Variants in RGS12 observed in about 807,000 individuals in gnomAD.
RGS12 encodes the protein regulator of G-protein signaling 12.
Under a neutral mutation model 120.1 loss-of-function variants are expected in RGS12, and 66 were observed. That is an observed-to-expected ratio of 0.55 (90% CI 0.45 to 0.67). The LOEUF (loss-of-function observed/expected upper bound fraction) is 0.67, where lower values mean the gene tolerates loss of function less well. RGS12 is among the 30% of genes least tolerant of loss of function. The pLI, the probability that RGS12 is intolerant of heterozygous loss-of-function variation, is 0.00. For synonymous variants in RGS12, 827 were observed against 804.7 expected, an observed-to-expected ratio of 1.03 and a Z score of -0.47; for missense variants, 1,859 against 1,957.7, an observed-to-expected ratio of 0.95 and a Z score of 0.95.
At chr4:3,434,335 G>A (rs4690014) in intron 17 of RGS12, among the ~76,000 whole-genome samples, 49,338 of 152,024 alleles carry the variant, frequency 0.32, 9,047 homozygotes, top group East Asian at 0.45. Context: ...CCTTGATACC[G>A]GGGGATTATC....
chr4:3,335,528 C>T (rs890244805), intron 2 of RGS12, among the ~76,000 whole-genome samples: 7 of 152,272 alleles, frequency 4.6e-5, no homozygotes, highest in Non-Finnish European at 7.4e-5. Context: ...TCCCCAGGGG[C>T]GCTCCCCGGA....
intron 16 of RGS12, among the ~76,000 whole-genome samples, chr4:3,429,121 G>A (rs981090036): frequency 1.3e-5 from 2 of 152,240 alleles, no homozygotes; most frequent in African/African-American, 4.8e-5. Context: ...GTGAGGGGAG[G>A]TGGAGCACAC....
chr4:3,399,229 GA>G, intron 4 of RGS12, among the ~76,000 whole-genome samples: 1 of 151,982 alleles, frequency 6.6e-6, no homozygotes, highest in Non-Finnish European at 1.5e-5. Flanking sequence ...AGCAAGTACG[GA>G]AAAAAGGAAA....
chr4:3,419,764 T>G (rs1722803299), intron 9 of RGS12, among the ~76,000 whole-genome samples: 1 of 152,038 alleles, frequency 6.6e-6, no homozygotes, highest in South Asian at 2.1e-4. Flanking sequence ...GAGGCTGCAG[T>G]GAGCTATGAT....
intron 16 of RGS12, among the ~76,000 whole-genome samples, chr4:3,430,184 AC>A (rs1292427769): frequency 2.6e-5 from 4 of 152,192 alleles, no homozygotes; most frequent in Non-Finnish European, 4.4e-5. Context: ...TAGGGAGTAC[AC>A]AGCTTTTTCA....
In RGS12 at chr4:3,390,287, C is replaced by T. The variant is rs980255795; in HGVS notation, c.2020+3850C>T. 6.6e-6 allele frequency among the ~76,000 whole-genome samples: 1 copy of T among 152,202 alleles called. No homozygotes were observed. The highest frequency in any genetic ancestry group is 1.5e-5 in the Non-Finnish European group (1 of 68,042). ...GGCAGCTTCCATCATTTTAATTATT[C>T]ATCTGTGTTGGTGCTTTTGTCCCCC... On this transcript the variant is annotated intron_variant, in intron 4 of 17. Coordinates refer to ENST00000336727, the MANE Select transcript of RGS12 (RefSeq NM_001394154.1). This position sits in a 1 kb window ranked among gnomAD's most constrained non-coding sequence, Gnocchi z 4.6.
intron 3 of RGS12, among the ~76,000 whole-genome samples, chr4:3,361,011 C>T (rs780204046): frequency 1.3e-5 from 2 of 152,322 alleles, no homozygotes; most frequent in South Asian, 2.1e-4. Context: ...GATCCCTACA[C>T]GGAAGCAGCC....
upstream of RGS12, among the ~76,000 whole-genome samples, chr4:3,288,619 G>A (rs1230112091): frequency 6.6e-6 from 1 of 152,228 alleles, no homozygotes; most frequent in Non-Finnish European, 1.5e-5. This position sits in a 1 kb window ranked among gnomAD's most constrained non-coding sequence, Gnocchi z 5.2. Flanking sequence ...AGCCCCCAAA[G>A]TCTGGAGGTT....
At chr4:3,380,416 T>C (rs1260113364) in intron 3 of RGS12, among the ~76,000 whole-genome samples, 1 of 152,214 alleles carries the variant, frequency 6.6e-6, no homozygotes, top group African/African-American at 2.4e-5. Flanking sequence ...AGGGTGGCCC[T>C]CTTCTCCCAG....
rs190525941 is a variant in RGS12 at position 3,304,703 on chromosome 4, C to T, written c.-101-11367C>T. 1.7e-3 allele frequency among the ~76,000 whole-genome samples: 259 copies of T among 152,296 alleles called. 2 individuals carry two copies. Among genetic ancestry groups the T allele is most frequent in the Admixed American group, 3.9e-3 (60 of 15,304 alleles). The stretch of plus-strand genomic sequence containing the variant: ...TATCTGGTGTGATTTCCTTAATCAC[C>T]TCCTCACAGAGTAGATTTCAGGGAC... On this transcript the variant is annotated intron_variant, in intron 1 of 17. Transcript: ENST00000336727.
upstream of RGS12, among the ~76,000 whole-genome samples, chr4:3,289,582 A>G (rs140386787): frequency 2.0e-4 from 30 of 152,352 alleles, no homozygotes; most frequent in South Asian, 3.3e-3. Flanking sequence ...CAAATGAAAA[A>G]TTGTACAATC....
rs1416334371 is a variant in RGS12, at chr4:3,430,877, G to A, written c.4036G>A (p.Gly1346Arg). 6.2e-7 allele frequency: 1 copy of A among 1,612,440 alleles called. No individual in the cohort carries two copies. The highest frequency in any genetic ancestry group is 8.5e-7 in the Non-Finnish European group (1 of 1,179,816). The part of the protein sequence containing the change: ...HVAELTLMGE[G>R]DISSPNSTLL... ...GGCCGAGCTGACCCTGATGGGGGAG[G>A]GGGACATCAGCAGCCCCAACAGCAC... Residue 1346 changes from glycine (G) to arginine (R), a missense_variant, in exon 17 of 18, where the codon GGG (glycine) becomes AGG (arginine). Physicochemically the swap from Gly to Arg is moderately radical, Grantham distance 125. Transcript: ENST00000336727.
chr4:3,356,207 A>G (rs1299842355), intron 3 of RGS12, among the ~76,000 whole-genome samples: 1 of 151,962 alleles, frequency 6.6e-6, no homozygotes, highest in African/African-American at 2.4e-5. Context: ...GGAGTGAGCC[A>G]TCATGCCCGG....
chr4:3,287,774 G>A, the RGS12 span, among the ~76,000 whole-genome samples: 1 of 152,204 alleles, frequency 6.6e-6, no homozygotes, highest in Non-Finnish European at 1.5e-5. Flanking sequence ...CACAACACGG[G>A]CACAGGAGGC....
chr4:3,389,736 G>T lies in RGS12; in HGVS notation c.2020+3299G>T, dbSNP rs994681954. ...GCGCCCACCTCCTCCTGCGTACGGC[G>T]TCTGTGCCAGCAGGAAAGCCGGGGA... On this transcript the variant is annotated intron_variant, in intron 4 of 17. Transcript: ENST00000336727. This position sits in a 1 kb window ranked among gnomAD's most constrained non-coding sequence, Gnocchi z 5.2. Among the ~76,000 whole-genome samples the T allele has an allele frequency of 2.0e-5, 3 of 152,182 alleles. No homozygotes were observed. Among genetic ancestry groups the T allele is most frequent in the Non-Finnish European group, 4.4e-5 (3 of 68,024 alleles).
chr4:3,314,996 C>G (rs919750463), intron 1 of RGS12: 27 of 152,226 alleles, frequency 1.8e-4, no homozygotes, highest in African/African-American at 6.5e-4. Flanking sequence ...AGAGTCTGGG[C>G]ACGAAGCAGG....
intron 1 of RGS12, among the ~76,000 whole-genome samples, chr4:3,309,902 GTGCAGGGGAGGAGCTGGGACCCT>G: frequency 7.2e-6 from 1 of 139,290 alleles, no homozygotes; most frequent in African/African-American, 2.8e-5. Context: ...GAGGGGAACC[GTGCAGGGGAGGAGCTGGGACCCT>G]GGAATGGCAG....
At chr4:3,406,222 G>A (rs1440670501) in intron 4 of RGS12, among the ~76,000 whole-genome samples, 2 of 152,244 alleles carry the variant, frequency 1.3e-5, no homozygotes, top group African/African-American at 4.8e-5. Flanking sequence ...CGGGCTCAGA[G>A]CCTGCACCCA....
chr4:3,309,559 G>A (rs201640815), intron 1 of RGS12, among the ~76,000 whole-genome samples: 893 of 114,964 alleles, frequency 7.8e-3, no homozygotes, highest in Middle Eastern at 0.015. Context: ...TGGGGCCTGG[G>A]AATGGCAGGT....
Sources: gnomAD v4.1 joint callset for allele counts (sites outside exome capture counted in the v4.1 genomes callset) on GRCh38, gnomAD v4.1.1 for gene constraint, Gnocchi (gnomAD v3.1) non-coding constraint, MANE v1.5 for transcripts, NCBI Gene and HGNC (gene_info 2026-07-23, HGNC 2026-07-21) for gene names.